The following EEFSEC variants were observed in gnomAD, a reference collection of about 807,000 sequenced individuals.
The protein encoded by EEFSEC is selenocysteine-specific elongation factor.
A neutral mutation model predicts 42.1 loss-of-function variants in EEFSEC; 43 were observed. The ratio of observed to expected loss-of-function variants is 1.02; its 90% confidence interval spans 0.80 to 1.32. The LOEUF is 1.32. EEFSEC is among the 40% of genes most tolerant of loss of function. The probability of loss-of-function intolerance (pLI) is 0.00; values close to 1 mark genes in which losing one functional copy is unlikely to be tolerated. For synonymous variants in EEFSEC, 354 were observed against 339.1 expected, an observed-to-expected ratio of 1.04 and a Z score of -0.48; for missense variants, 745 against 803.6, an observed-to-expected ratio of 0.93 and a Z score of 0.88.
intron 6 of EEFSEC, among the ~76,000 whole-genome samples, chr3:128,382,498 CA>C (rs2067788751): frequency 1.3e-5 from 2 of 152,262 alleles, no homozygotes; most frequent in South Asian, 4.1e-4. Flanking sequence ...GTGTTTTTGA[CA>C]GGGGGGAGGT....
the EEFSEC span, among the ~76,000 whole-genome samples, chr3:128,417,078 C>A: frequency 6.6e-6 from 1 of 152,112 alleles, no homozygotes; most frequent in Non-Finnish European, 1.5e-5. The surrounding 1 kb of genome is among the most constrained non-coding windows in gnomAD (Gnocchi z 4.3). Context: ...AGTCAGCCCC[C>A]ACCCCATGGC....
chr3:128,380,416 T>C (rs1329007857), intron 6 of EEFSEC, among the ~76,000 whole-genome samples: 1 of 152,200 alleles, frequency 6.6e-6, no homozygotes, highest in Non-Finnish European at 1.5e-5. Context: ...TTTTGTCACA[T>C]CCTTCAATCT....
At chr3:128,246,025 T>C (rs2066123116) in intron 1 of EEFSEC, among the ~76,000 whole-genome samples, 1 of 152,224 alleles carries the variant, frequency 6.6e-6, no homozygotes, top group Admixed American at 6.5e-5. Context: ...TGTTTGTATA[T>C]TCCTGCAGTA....
At chr3:128,299,259 A>G (rs1461827754) in intron 4 of EEFSEC, among the ~76,000 whole-genome samples, 1 of 152,094 alleles carries the variant, frequency 6.6e-6, no homozygotes, top group African/African-American at 2.4e-5. Flanking sequence ...GATTAAAGCC[A>G]TTTTAACTAG....
At chr3:128,384,026 A>G (rs1392324200) in intron 6 of EEFSEC, among the ~76,000 whole-genome samples, 2 of 152,368 alleles carry the variant, frequency 1.3e-5, no homozygotes, top group Admixed American at 1.3e-4. Flanking sequence ...CAAAAATGCC[A>G]TGGAGGCTAG....
chr3:128,234,053 A>G (rs2065984510), intron 1 of EEFSEC, among the ~76,000 whole-genome samples: 1 of 140,398 alleles, frequency 7.1e-6, no homozygotes, highest in Non-Finnish European at 1.6e-5. Flanking sequence ...TTATTTATTT[A>G]TTTAATTTAT....
At chr3:128,383,956 A>G (rs528626694) in intron 6 of EEFSEC, among the ~76,000 whole-genome samples, 1 of 152,378 alleles carries the variant, frequency 6.6e-6, no homozygotes, top group South Asian at 2.1e-4. Flanking sequence ...ACAAACTAGA[A>G]GTTCAGAACT....
intron 1 of EEFSEC, among the ~76,000 whole-genome samples, chr3:128,192,726 G>T (rs181088135): frequency 5.3e-5 from 8 of 152,258 alleles, no homozygotes; most frequent in Non-Finnish European, 1.2e-4. Flanking sequence ...GGAAGGAGGA[G>T]CATATATTTG....
chr3:128,247,193 T>G, intron 2 of EEFSEC, 150 bp downstream of exon 2: 1 of 803,952 alleles, frequency 1.2e-6, no homozygotes, highest in South Asian at 1.8e-5. Flanking sequence ...ACATAAGGGC[T>G]GCATTAAATG....
chr3:128,410,024 G>GCTT (rs1213742466), downstream of EEFSEC, among the ~76,000 whole-genome samples: 1 of 152,236 alleles, frequency 6.6e-6, no homozygotes, highest in Non-Finnish European at 1.5e-5. Flanking sequence ...CTCCAGGAGG[G>GCTT]CTTCAGTCAG....
chr3:128,347,062 C>T (rs1214317077), intron 5 of EEFSEC, among the ~76,000 whole-genome samples: 1 of 152,192 alleles, frequency 6.6e-6, no homozygotes, highest in Non-Finnish European at 1.5e-5. Flanking sequence ...TAATAATTAT[C>T]TGCAGCTGAA....
At position 128,354,440 on chromosome 3, in the gene EEFSEC, A is replaced by T. The variant is rs1042080303; in HGVS notation, c.1444-3777A>T. ...GGATGCTTAAAACAATTTTGTGGGA[A>T]TGTAGGTCAGTGAACCGAGCTGCAC... On this transcript the variant is annotated intron_variant, in intron 5 of 6. Coordinates refer to ENST00000254730, the MANE Select transcript of EEFSEC (RefSeq NM_021937.5). Among the ~76,000 whole-genome samples, 68 of 152,226 alleles carry T rather than the reference A, an allele frequency of 4.5e-4. 1 individual carries two copies. The highest frequency in any genetic ancestry group is 3.4e-3 in the Middle Eastern group (1 of 294).
chr3:128,400,724 C>T (rs924837120), intron 6 of EEFSEC, among the ~76,000 whole-genome samples: 4 of 152,250 alleles, frequency 2.6e-5, no homozygotes, highest in African/African-American at 9.6e-5. Flanking sequence ...ATGAAAGCAA[C>T]GCCAGCAATT....
intron 4 of EEFSEC, among the ~76,000 whole-genome samples, chr3:128,335,778 C>T (rs2067183466): frequency 1.3e-5 from 2 of 152,108 alleles, no homozygotes. Context: ...AGGCTGGGAC[C>T]AGGGCAGGCA....
chr3:128,192,347 G>A (rs972276785), intron 1 of EEFSEC, among the ~76,000 whole-genome samples: 2 of 152,132 alleles, frequency 1.3e-5, no homozygotes, highest in African/African-American at 2.4e-5. Flanking sequence ...TTTTCTCTGC[G>A]TGCTTAGAGA....
At chr3:128,234,519 A>G (rs1445008508) in intron 1 of EEFSEC, among the ~76,000 whole-genome samples, 3 of 152,298 alleles carry the variant, frequency 2.0e-5, no homozygotes, top group Non-Finnish European at 4.4e-5. Flanking sequence ...GAGACTTAGG[A>G]GTTGCTCTCT....
chr3:128,379,986 G>A (rs1041079693), intron 6 of EEFSEC, among the ~76,000 whole-genome samples: 1 of 152,260 alleles, frequency 6.6e-6, no homozygotes, highest in Non-Finnish European at 1.5e-5. Context: ...CTGTGTGTTG[G>A]GTGACTGACC....
intron 1 of EEFSEC, among the ~76,000 whole-genome samples, chr3:128,214,966 G>A (rs2065794897): frequency 6.6e-6 from 1 of 152,134 alleles, no homozygotes; most frequent in Admixed American, 6.5e-5. Flanking sequence ...TGTTGAAGAT[G>A]GATGTGGGAA....
At chr3:128,396,542 C>T (rs2067983687) in intron 6 of EEFSEC, among the ~76,000 whole-genome samples, 2 of 152,214 alleles carry the variant, frequency 1.3e-5, no homozygotes, top group African/African-American at 2.4e-5. Context: ...CCTCCCAAAG[C>T]CCCCATCCAT....
Sources: allele counts gnomAD v4.1 joint callset (sites outside exome capture counted in the v4.1 genomes callset), GRCh38; gene constraint gnomAD v4.1.1; non-coding constraint Gnocchi (gnomAD v3.1); transcripts MANE v1.5; gene names NCBI Gene and HGNC (gene_info 2026-07-23, HGNC 2026-07-21).